RHCG: variants seen among roughly 807,000 people sequenced by gnomAD.
The protein encoded by RHCG is ammonium transporter Rh type C.
RHCG carries 39 observed loss-of-function variants against 55.3 expected under a neutral mutation model. The observed-to-expected ratio is 0.70, with a 90% CI of 0.55 to 0.92. The LOEUF (loss-of-function observed/expected upper bound fraction) is 0.92, where lower values mean the gene tolerates loss of function less well. Ranked by LOEUF, RHCG falls within the 40% of genes least tolerant of loss-of-function variation. RHCG has a pLI of 0.00. For synonymous variants in RHCG, 250 were observed against 246.8 expected (o/e 1.01, Z -0.12); for missense variants, 635 against 627.9 (o/e 1.01, Z -0.12).
chr15:89,475,080 TCCTGCCTGCCTGCCTTCATTCATTCCTG>T (rs1321097817), intron 9 of RHCG, among the ~76,000 whole-genome samples: 2 of 100,606 alleles, frequency 2.0e-5, no homozygotes, highest in South Asian at 3.7e-4. Context: ...CTTCCTGCCT[TCCTGCCTGCCTGCCTTCATTCATTCCTG>T]CCTGCCTGCC....
chr15:89,492,226 C>T (rs1961489652), intron 1 of RHCG, among the ~76,000 whole-genome samples: 1 of 152,180 alleles, frequency 6.6e-6, no homozygotes, highest in African/African-American at 2.4e-5. Flanking sequence ...TGTTCTCCCT[C>T]TCCCCTTACT....
chr15:89,478,070 T>C, intron 5 of RHCG, 96 bp from the exon 6 acceptor site: 3 of 1,456,818 alleles, frequency 2.1e-6, no homozygotes, highest in South Asian at 2.7e-5. Context: ...GGGTGCAGCC[T>C]GGCTCCTGGG....
In RHCG at chr15:89,477,276, A is replaced by C; in HGVS notation, c.1113-70T>G. On this transcript the variant is annotated intron_variant, in intron 7 of 10. Coordinates refer to ENST00000268122, the MANE Select transcript of RHCG (RefSeq NM_016321.3). The surrounding 1 kb of genome is among the most constrained non-coding windows in gnomAD (Gnocchi z 4.5). ...AAGTAACAGCTTGCTGCCACCCCAA[A>C]AATGTGACCGGGTACCACGGGCCTC... The C allele has an allele frequency of 6.3e-7, 1 of 1,593,504 alleles. No homozygotes were observed. The highest frequency in any genetic ancestry group is 8.6e-7 in the Non-Finnish European group (1 of 1,165,488).
At chr15:89,496,282 C>CATTAAAAAA in intron 1 of RHCG, 79 bp downstream of exon 1, 1 of 1,480,954 alleles carries the variant, frequency 6.8e-7, no homozygotes, top group Admixed American at 1.7e-5. Context: ...CTCCTCTGCC[C>CATTAAAAAA]AGCTCTGGGC....
chr15:89,490,441 C>T (rs2141901445), intron 1 of RHCG, among the ~76,000 whole-genome samples: 2 of 152,368 alleles, frequency 1.3e-5, no homozygotes, highest in South Asian at 4.1e-4. Context: ...ACAAATACAC[C>T]TCAGCTTAGG....
chr15:89,489,543 C>G (rs976993412), intron 1 of RHCG, among the ~76,000 whole-genome samples: 1 of 152,148 alleles, frequency 6.6e-6, no homozygotes, highest in African/African-American at 2.4e-5. Context: ...CTGTCCCAGC[C>G]CCGCCCACCT....
rs759228780 is a variant in RHCG, at chr15:89,472,753, C to G, written c.1422G>C (p.Ser474=). The change falls in exon 10 of 11, where the codon TCG becomes TCC. Residue 474 remains serine (S), a synonymous_variant. Transcript: ENST00000268122. ...TGGGAGCCTAGGGTACCAAGGGTACCGAGGAAGCCATGGGTAGTGGGGACA... is the reference window on the plus strand; with the variant it reads ...TGGGAGCCTAGGGTACCAAGGGTACGGAGGAAGCCATGGGTAGTGGGGACA... ...PMVSPLPMAS[S]VPLVP The G allele has an allele frequency of 1.6e-5, 25 of 1,600,486 alleles. No homozygotes were observed. Among genetic ancestry groups the G allele is most frequent in the African/African-American group, 9.4e-5 (7 of 74,340 alleles).
Position 89,472,836 on chromosome 15 carries a change from T to G in RHCG, c.1339A>C (p.Ile447Leu), listed in dbSNP as rs901841649. Residue 447 changes from isoleucine (I) to leucine (L), a missense_variant, in exon 10 of 11, where the codon ATC (isoleucine) becomes CTC (leucine). By Grantham distance (5) the Ile-to-Leu change is conservative. Coordinates refer to ENST00000268122, the MANE Select transcript of RHCG (RefSeq NM_016321.3). Reference sequence around the variant, plus strand: ...GGCTTGAAGGTGGGGTCCTCAGGGATGTAGACAGTGCTGTTCCCTTCAGGC... The same window carrying G: ...GGCTTGAAGGTGGGGTCCTCAGGGAGGTAGACAGTGCTGTTCCCTTCAGGC... ...EMPEGNSTVY[I>L]PEDPTFKPSG... is the part of the protein sequence containing the mutation. The G allele has an allele frequency of 6.5e-7, 1 of 1,539,406 alleles. No homozygotes were observed. The highest frequency in any genetic ancestry group is 1.4e-5 in the African/African-American group (1 of 72,644).
In RHCG at chr15:89,488,780, G is replaced by T. The variant is rs995999885; in HGVS notation, c.185-1795C>A. Among the ~76,000 whole-genome samples, 1,093 of 151,796 alleles carry T rather than the reference G, an allele frequency of 7.2e-3. 20 individuals carry two copies. Among genetic ancestry groups the T allele is most frequent in the East Asian group, 0.041 (214 of 5,174 alleles). ...TTGGTGGGGCTGGGAGAATGGGGGG[G>T]GGGGAGTGCTATAATGGTCATTATT... On this transcript the variant is annotated intron_variant, in intron 1 of 10. Coordinates refer to ENST00000268122, the MANE Select transcript of RHCG (RefSeq NM_016321.3).
intron 9 of RHCG, among the ~76,000 whole-genome samples, chr15:89,476,006 G>C (rs1216220312): frequency 7.3e-6 from 1 of 137,830 alleles, no homozygotes; most frequent in African/African-American, 3.4e-5. Context: ...TCTCTCTCTT[G>C]CTCTCGCTCT....
intron 2 of RHCG, 46 bp from the exon 3 acceptor site, chr15:89,483,263 G>C: frequency 6.8e-7 from 1 of 1,460,526 alleles, no homozygotes; most frequent in South Asian, 1.5e-5. Flanking sequence ...ATAGCAAAAA[G>C]TGGCACTGGA....
At chr15:89,492,637 T>C (rs1596409706) in intron 1 of RHCG, among the ~76,000 whole-genome samples, 1 of 152,090 alleles carries the variant, frequency 6.6e-6, no homozygotes, top group South Asian at 2.1e-4. Flanking sequence ...TGGCTGAGAG[T>C]GTCCAGCTCC....
chr15:89,488,543 T>TC (rs1458391737), intron 1 of RHCG, among the ~76,000 whole-genome samples: 1 of 152,122 alleles, frequency 6.6e-6, no homozygotes, highest in African/African-American at 2.4e-5. Flanking sequence ...AAAGGACCTA[T>TC]CCCCTAGGTG....
intron 1 of RHCG, among the ~76,000 whole-genome samples, chr15:89,490,338 G>A (rs559076389): frequency 2.0e-5 from 3 of 152,296 alleles, no homozygotes; most frequent in Admixed American, 1.3e-4. Context: ...GAAGGGCAGG[G>A]GTACAAGCCA....
In RHCG at chr15:89,479,321, C is replaced by T; in HGVS notation, c.837+1G>A. On this transcript the variant is annotated splice_donor_variant, in intron 5 of 10. Transcript: ENST00000268122. LOFTEE classifies it high-confidence loss of function. ...CACACCCCCAACGCCCTCATGCTCA[C>T]CATGTCCAGCTTGCCCTTCTTGTGC... 1 of 1,612,472 alleles carries T rather than the reference C, an allele frequency of 6.2e-7. No homozygotes were observed. The highest frequency in any genetic ancestry group is 8.5e-7 in the Non-Finnish European group (1 of 1,179,176).
At position 89,496,506 on chromosome 15, in the gene RHCG, G is replaced by A. The variant is rs1961571212; in HGVS notation, c.39C>T (p.Leu13=). The change falls in exon 1 of 11, where the codon CTC becomes CTT. Residue 13 remains leucine, a synonymous_variant. Transcript: ENST00000268122. ...WNTNLRWRLP[L]TCLLLQVIMV... is the part of the protein sequence containing the mutation. ...TAATCACCTGCAGGAGCAGGCAGGTGAGCGGCAGCCGCCAGCGGAGGTTGG... is the reference window on the plus strand; with the variant it reads ...TAATCACCTGCAGGAGCAGGCAGGTAAGCGGCAGCCGCCAGCGGAGGTTGG... 6.2e-7 allele frequency: 1 copy of A among 1,613,238 alleles called. No homozygotes were observed. The highest frequency in any genetic ancestry group is 1.3e-5 in the African/African-American group (1 of 75,058).
At chr15:89,484,000 C>A (rs1376489697) in intron 2 of RHCG, among the ~76,000 whole-genome samples, 5 of 152,214 alleles carry the variant, frequency 3.3e-5, no homozygotes, top group African/African-American at 1.2e-4. Flanking sequence ...GCCTCCTTGT[C>A]CCCTGCCAGC....
In RHCG at chr15:89,496,498, A is replaced by T. The variant is rs1425945027; in HGVS notation, c.47T>A (p.Leu16Gln). Residue 16 changes from leucine to glutamine, a missense_variant, in exon 1 of 11, where the codon CTG becomes CAG. Leu to Gln is a moderately radical substitution (Grantham distance 113). Coordinates refer to ENST00000268122, the MANE Select transcript of RHCG (RefSeq NM_016321.3). ...AATCACCATAATCACCTGCAGGAGC[A>T]GGCAGGTGAGCGGCAGCCGCCAGCG... ...NLRWRLPLTC[L>Q]LLQVIMVILF... The T allele has an allele frequency of 6.2e-7, 1 of 1,613,400 alleles. No individual in the cohort carries two copies. The highest frequency in any genetic ancestry group is 1.3e-5 in the African/African-American group (1 of 74,942).
chr15:89,488,948 T>C (rs928780817), intron 1 of RHCG, among the ~76,000 whole-genome samples: 2 of 152,190 alleles, frequency 1.3e-5, no homozygotes, highest in African/African-American at 2.4e-5. Flanking sequence ...TTAGGAAATA[T>C]ACTGGAATAG....
Sources: gnomAD v4.1 joint callset for allele counts (sites outside exome capture counted in the v4.1 genomes callset) on GRCh38, gnomAD v4.1.1 for gene constraint, Gnocchi (gnomAD v3.1) non-coding constraint, MANE v1.5 for transcripts, NCBI Gene and HGNC (gene_info 2026-07-23, HGNC 2026-07-21) for gene names.